Variants in PCBP3 observed in about 807,000 individuals in gnomAD.
PCBP3 encodes the protein poly(rC)-binding protein 3.
Under a neutral mutation model 52.7 loss-of-function variants are expected in PCBP3, and 25 were observed. That is an observed-to-expected ratio of 0.47 (90% CI 0.35 to 0.66). PCBP3 has a LOEUF of 0.66. Ranked by LOEUF, PCBP3 falls within the 30% of genes least tolerant of loss-of-function variation. The probability of loss-of-function intolerance (pLI) is 0.01; values close to 1 mark genes in which losing one functional copy is unlikely to be tolerated. For missense variants in PCBP3, 391 were observed against 490.3 expected, an observed-to-expected ratio of 0.80 and a Z score of 1.91; for synonymous variants, 162 against 183.0, an observed-to-expected ratio of 0.89 and a Z score of 0.93.
In PCBP3 at chr21:45,783,620, C is replaced by T. The variant is rs745374458; in HGVS notation, c.-126+28168C>T. On this transcript the variant is annotated intron_variant, in intron 4 of 17. Transcript: ENST00000681687. Reference sequence around the variant, plus strand: ...AGTTAGGGTGAGGACGGGATTTTAACGTTGCAAGCTTCACAAGGTAGCCAT... The same window carrying T: ...AGTTAGGGTGAGGACGGGATTTTAATGTTGCAAGCTTCACAAGGTAGCCAT... Among the ~76,000 whole-genome samples, 4 of 152,148 alleles carry T rather than the reference C, an allele frequency of 2.6e-5. No homozygotes were observed. The South Asian group carries it at 6.2e-4, about 24-fold the overall frequency.
At chr21:45,822,874 A>G (rs2093184237) in intron 4 of PCBP3, among the ~76,000 whole-genome samples, 1 of 152,184 alleles carries the variant, frequency 6.6e-6, no homozygotes, top group Non-Finnish European at 1.5e-5. Context: ...TCATGGGTAC[A>G]GGAAGGGGCT....
chr21:45,820,834 G>C (rs1054092302), intron 4 of PCBP3, among the ~76,000 whole-genome samples: 12 of 152,134 alleles, frequency 7.9e-5, no homozygotes, highest in African/African-American at 2.4e-4. Flanking sequence ...CATCCTTGCA[G>C]CAGACAGGCA....
chr21:45,713,860 T>C (rs1433121156), intron 2 of PCBP3, among the ~76,000 whole-genome samples: 2 of 152,250 alleles, frequency 1.3e-5, no homozygotes, highest in African/African-American at 2.4e-5. Flanking sequence ...TTCTGATTTC[T>C]GTTTTCTTCA....
At position 45,747,007 on chromosome 21, in the gene PCBP3, G is replaced by A. The variant is rs577682863; in HGVS notation, c.-161-8410G>A. The stretch of plus-strand genomic sequence containing the variant: ...TGACGTAGCGCACACGGTGTTGTCA[G>A]CATCGCTGTGTCAGTCCATTTTCAT... On this transcript the variant is annotated intron_variant, in intron 3 of 17. Coordinates refer to ENST00000681687, the MANE Select transcript of PCBP3 (RefSeq NM_001384156.1). 6.6e-5 allele frequency among the ~76,000 whole-genome samples: 10 copies of A among 152,024 alleles called. 1 individual carries two copies. The highest frequency in any genetic ancestry group is 1.3e-4 in the Non-Finnish European group (9 of 68,022).
chr21:45,668,094 T>G (rs919587972), intron 1 of PCBP3, among the ~76,000 whole-genome samples: 5 of 152,146 alleles, frequency 3.3e-5, no homozygotes, highest in African/African-American at 9.7e-5. Context: ...GTGCAGAGTC[T>G]CAATGTCAGC....
chr21:45,775,511 G>A (rs992208267), intron 4 of PCBP3, among the ~76,000 whole-genome samples: 11 of 152,076 alleles, frequency 7.2e-5, no homozygotes, highest in East Asian at 3.9e-4. Flanking sequence ...TCAAACCCCT[G>A]GGTCAAGCAG....
At chr21:45,923,697 G>C (rs978284206) in intron 13 of PCBP3, among the ~76,000 whole-genome samples, 1 of 152,242 alleles carries the variant, frequency 6.6e-6, no homozygotes, top group Non-Finnish European at 1.5e-5. Flanking sequence ...GAGACACACA[G>C]AGAACCTTCC....
chr21:45,784,409 G>T (rs80307864), intron 4 of PCBP3, among the ~76,000 whole-genome samples: 2,488 of 79,644 alleles, frequency 0.031, 182 homozygotes, highest in African/African-American at 0.063. Context: ...TACCTCTACC[G>T]CTACCGCTAC....
Position 45,899,777 on chromosome 21 carries a change from G to A in PCBP3, c.189+155G>A, listed in dbSNP as rs1306962633. 3.9e-5 allele frequency among the ~76,000 whole-genome samples: 6 copies of A among 152,242 alleles called. No individual in the cohort carries two copies. In the South Asian group the frequency reaches 6.2e-4, roughly 16 times the overall value. ...ATGAAGACAGGACCCCAGAGGTGTC[G>A]CCTTTATGCTGTATGACATTGAAGC... On this transcript the variant is annotated intron_variant, in intron 7 of 17. Coordinates refer to ENST00000681687, the MANE Select transcript of PCBP3 (RefSeq NM_001384156.1).
At chr21:45,902,961 C>T (rs1380935141) in intron 9 of PCBP3, among the ~76,000 whole-genome samples, 3 of 152,240 alleles carry the variant, frequency 2.0e-5, no homozygotes, top group African/African-American at 7.2e-5. Flanking sequence ...CTCAGTCATC[C>T]CTTCCACGAG....
At chr21:45,762,251 C>T (rs1225064320) in intron 4 of PCBP3, 2 of 152,218 alleles carry the variant, frequency 1.3e-5, no homozygotes, top group African/African-American at 4.8e-5. Flanking sequence ...AGCCCAGCAC[C>T]TTGCGGCCTC....
chr21:45,767,782 C>T (rs535505967), intron 4 of PCBP3, among the ~76,000 whole-genome samples: 98 of 152,312 alleles, frequency 6.4e-4, no homozygotes, highest in Non-Finnish European at 1.1e-3. Context: ...GCTCCTGCTC[C>T]GGTGCTCATG....
chr21:45,753,745 G>A (rs2087764991), intron 3 of PCBP3, among the ~76,000 whole-genome samples: 1 of 151,910 alleles, frequency 6.6e-6, no homozygotes, highest in Non-Finnish European at 1.5e-5. Context: ...ATTTATCAAG[G>A]TCCAGAATTA....
chr21:45,805,373 G>A lies in PCBP3; in HGVS notation c.-125-44588G>A, dbSNP rs1418135091. ...TGGGTGTGACTGGTAACAAGCAGGG[G>A]TTTGGCACCCCCCTTGCCCACCTGC... On this transcript the variant is annotated intron_variant, in intron 4 of 17. Coordinates refer to ENST00000681687, the MANE Select transcript of PCBP3 (RefSeq NM_001384156.1). The surrounding 1 kb of genome is among the most constrained non-coding windows in gnomAD (Gnocchi z 4.6). Among the ~76,000 whole-genome samples, 1 of 152,018 alleles carries A rather than the reference G, an allele frequency of 6.6e-6. No homozygotes were observed. The highest frequency in any genetic ancestry group is 2.4e-5 in the African/African-American group (1 of 41,392).
At position 45,704,413 on chromosome 21, in the gene PCBP3, A is replaced by G. The variant is rs1183675918; in HGVS notation, c.-199-30979A>G. ...AGCAGGAAGTTTTAAAATGCAGGAC[A>G]TGCTATCCTCTGTTGCTGTGGTCTG... On this transcript the variant is annotated intron_variant, in intron 2 of 17. Coordinates refer to ENST00000681687, the MANE Select transcript of PCBP3 (RefSeq NM_001384156.1). The surrounding 1 kb of genome is among the most constrained non-coding windows in gnomAD (Gnocchi z 4.1). Among the ~76,000 whole-genome samples, 2 of 152,172 alleles carry G rather than the reference A, an allele frequency of 1.3e-5. No homozygotes were observed. The highest frequency in any genetic ancestry group is 2.9e-5 in the Non-Finnish European group (2 of 68,034).
rs1381648371 is a variant in PCBP3, at chr21:45,817,568, A to T, written c.-125-32393A>T. On this transcript the variant is annotated intron_variant, in intron 4 of 17. Coordinates refer to ENST00000681687, the MANE Select transcript of PCBP3 (RefSeq NM_001384156.1). The surrounding 1 kb of genome is among the most constrained non-coding windows in gnomAD (Gnocchi z 4.3). Reference sequence around the variant, plus strand: ...TTTGTCCTCAGCCCCCCAGCGAGGCAGCAGCTTGTGTGTGTGCTGCACTGC... The same window carrying T: ...TTTGTCCTCAGCCCCCCAGCGAGGCTGCAGCTTGTGTGTGTGCTGCACTGC... Among the ~76,000 whole-genome samples the T allele has an allele frequency of 6.6e-6, 1 of 152,218 alleles. No homozygotes were observed. The highest frequency in any genetic ancestry group is 1.5e-5 in the Non-Finnish European group (1 of 68,034).
Position 45,737,547 on chromosome 21 carries a change from C to A in PCBP3, c.-162+2118C>A. 6.6e-6 allele frequency among the ~76,000 whole-genome samples: 1 copy of A among 152,310 alleles called. No individual in the cohort carries two copies. The highest frequency in any genetic ancestry group is 3.4e-3 in the Middle Eastern group (1 of 294). ...GCCTACAGTTCTGGAAATAAACCAG[C>A]GTGCTGGGGTGGGGCGAGCCCGACC... On this transcript the variant is annotated intron_variant, in intron 3 of 17. Transcript: ENST00000681687. This position sits in a 1 kb window ranked among gnomAD's most constrained non-coding sequence, Gnocchi z 4.9.
chr21:45,885,242 C>A (rs1021518509), intron 5 of PCBP3, among the ~76,000 whole-genome samples: 2 of 152,142 alleles, frequency 1.3e-5, no homozygotes, highest in Non-Finnish European at 2.9e-5. Flanking sequence ...CCGTGCTTCT[C>A]GCCTGAAATC....
chr21:45,644,804 T>C (rs932937455), intron 1 of PCBP3, among the ~76,000 whole-genome samples: 5 of 152,178 alleles, frequency 3.3e-5, no homozygotes, highest in Admixed American at 1.3e-4. Flanking sequence ...GGGCAACTTA[T>C]AGACTCCCCC....
Sources: allele counts gnomAD v4.1 joint callset (sites outside exome capture counted in the v4.1 genomes callset), GRCh38; gene constraint gnomAD v4.1.1; non-coding constraint Gnocchi (gnomAD v3.1); transcripts MANE v1.5; gene names NCBI Gene and HGNC (gene_info 2026-07-23, HGNC 2026-07-21).